KIF13A: variants seen among roughly 807,000 people sequenced by gnomAD.
KIF13A encodes kinesin family member 13A, also known as kinesin-like protein KIF13A.
KIF13A carries 79 observed loss-of-function variants against 212.2 expected under a neutral mutation model. The observed-to-expected ratio is 0.37, with a 90% CI of 0.31 to 0.45. The LOEUF (loss-of-function observed/expected upper bound fraction) is 0.45. KIF13A is among the 20% of genes least tolerant of loss of function. The pLI, the probability that KIF13A is intolerant of heterozygous loss-of-function variation, is 1.00. For synonymous variants in KIF13A, 789 were observed against 808.6 expected (o/e 0.98, Z 0.41); for missense variants, 1,901 against 2,209.0 (o/e 0.86, Z 2.79).
intron 25 of KIF13A, among the ~76,000 whole-genome samples, chr6:17,790,838 G>A: frequency 6.6e-6 from 1 of 152,128 alleles, no homozygotes; most frequent in East Asian, 1.9e-4. Context: ...ATAAGGATTG[G>A]TCAGTACTCT....
At chr6:17,822,434 C>G (rs555369981) in intron 16 of KIF13A, among the ~76,000 whole-genome samples, 11 of 152,308 alleles carry the variant, frequency 7.2e-5, no homozygotes, top group African/African-American at 2.6e-4. Flanking sequence ...CACTGTGCAC[C>G]AGGCCACTGA....
At position 17,783,556 on chromosome 6, in the gene KIF13A, G is replaced by C; in HGVS notation, c.3544+90C>G. On this transcript the variant is annotated intron_variant, in intron 29 of 38. Transcript: ENST00000259711. The surrounding 1 kb of genome is among the most constrained non-coding windows in gnomAD (Gnocchi z 4.3). ...ATTTGGCACATGAATGATTAGAAGA[G>C]TGATTTAAGGATCAAAATAATGTGA... 1 of 889,236 alleles carries C rather than the reference G, an allele frequency of 1.1e-6. No individual in the cohort carries two copies. Among genetic ancestry groups the C allele is most frequent in the East Asian group, 2.6e-5 (1 of 37,758 alleles). The allele number at this position is 889,236 out of a possible 1,614,324, so 55.1% of individuals were successfully genotyped here. A position where few individuals can be genotyped will look rare whatever the true frequency, so the allele number is the denominator to read the frequency against.
At chr6:17,831,440 C>T (rs993481988) in intron 12 of KIF13A, among the ~76,000 whole-genome samples, 2 of 151,686 alleles carry the variant, frequency 1.3e-5, no homozygotes, top group African/African-American at 4.9e-5. Flanking sequence ...GAACCAGACA[C>T]CATTTTGGCT....
chr6:17,763,198 A>G (rs1758664659), downstream of KIF13A, among the ~76,000 whole-genome samples: 1 of 152,204 alleles, frequency 6.6e-6, no homozygotes, highest in African/African-American at 2.4e-5. Context: ...AAATTAACCA[A>G]TATTAGTCAG....
Position 17,951,847 on chromosome 6 carries a change from A to T in KIF13A, c.146+35207T>A, listed in dbSNP as rs543290947. Among the ~76,000 whole-genome samples, 142 of 152,354 alleles carry T rather than the reference A, an allele frequency of 9.3e-4. 2 individuals are homozygous for T. Among genetic ancestry groups the T allele is most frequent in the African/African-American group, 3.2e-3 (135 of 41,582 alleles). On this transcript the variant is annotated intron_variant, in intron 2 of 38. Transcript: ENST00000259711. This position sits in a 1 kb window ranked among gnomAD's most constrained non-coding sequence, Gnocchi z 4.9. ...TGTATGAATATATCACATATTCTTC[A>T]TCAGTTGATGGACATTTGGTGACTC... is the stretch of plus-strand genomic sequence containing the variant.
At chr6:17,945,961 T>C (rs937770990) in intron 2 of KIF13A, among the ~76,000 whole-genome samples, 6 of 152,192 alleles carry the variant, frequency 3.9e-5, no homozygotes, top group African/African-American at 1.2e-4. Context: ...GATAATAGGT[T>C]ATCTTGATGG....
intron 2 of KIF13A, among the ~76,000 whole-genome samples, chr6:17,981,216 T>C (rs968259409): frequency 6.6e-6 from 1 of 152,000 alleles, no homozygotes; most frequent in Admixed American, 6.6e-5. Flanking sequence ...TAGCCATTAT[T>C]TTTTTAATGA....
chr6:17,954,592 T>A (rs1166023150), intron 2 of KIF13A, among the ~76,000 whole-genome samples: 2 of 152,222 alleles, frequency 1.3e-5, no homozygotes, highest in Non-Finnish European at 2.9e-5. Context: ...CTTTTCAATA[T>A]TATATCTTCC....
At chr6:17,970,649 C>T (rs529593178) in intron 2 of KIF13A, among the ~76,000 whole-genome samples, 2 of 152,274 alleles carry the variant, frequency 1.3e-5, no homozygotes, top group East Asian at 1.9e-4. Context: ...TAAATATCTG[C>T]GTCCTGGATA....
Position 17,825,166 on chromosome 6 carries a change from G to A in KIF13A, c.1786+602C>T, listed in dbSNP as rs182489897. On this transcript the variant is annotated intron_variant, in intron 16 of 38. Coordinates refer to ENST00000259711, the MANE Select transcript of KIF13A (RefSeq NM_022113.6). This position sits in a 1 kb window ranked among gnomAD's most constrained non-coding sequence, Gnocchi z 4.5. ...TGTCTATTTTATTTAATGCAGGCAG[G>A]TGTGTATAGGCACAGAATAAGAAAG... Among the ~76,000 whole-genome samples, 93 of 152,316 alleles carry A rather than the reference G, an allele frequency of 6.1e-4. No individual in the cohort carries two copies. Among genetic ancestry groups the A allele is most frequent in the African/African-American group, 2.1e-3 (87 of 41,574 alleles).
In KIF13A at chr6:17,843,999, C is replaced by T. The variant is rs1389323780; in HGVS notation, c.830+5378G>A. ...GATGGAGGTCGCAGTGAGCCGAGAT[C>T]GTGCCACTGTACTCCAGCCTGGGTG... is the stretch of plus-strand genomic sequence containing the variant. On this transcript the variant is annotated intron_variant, in intron 9 of 38. Transcript: ENST00000259711. This position sits in a 1 kb window ranked among gnomAD's most constrained non-coding sequence, Gnocchi z 5.3. Among the ~76,000 whole-genome samples, 5 of 148,820 alleles carry T rather than the reference C, an allele frequency of 3.4e-5. No individual in the cohort carries two copies. Among genetic ancestry groups the T allele is most frequent in the African/African-American group, 7.5e-5 (3 of 40,164 alleles).
chr6:17,848,333 A>G (rs585918), intron 9 of KIF13A, among the ~76,000 whole-genome samples: 122,070 of 151,924 alleles, frequency 0.8, 49,323 homozygotes, highest in African/African-American at 0.86. Context: ...ACAGTGCTAC[A>G]GAAAACTAGA....
intron 2 of KIF13A, among the ~76,000 whole-genome samples, chr6:17,960,999 G>A (rs951080448): frequency 6.6e-6 from 1 of 152,098 alleles, no homozygotes; most frequent in African/African-American, 2.4e-5. Flanking sequence ...GCATCTTTCA[G>A]TTCAAAAAAG....
chr6:17,844,432 C>G (rs1766826986), intron 9 of KIF13A, among the ~76,000 whole-genome samples: 1 of 152,112 alleles, frequency 6.6e-6, no homozygotes, highest in Non-Finnish European at 1.5e-5. Context: ...ATATGTTGAA[C>G]CTAGAATTCT....
intron 20 of KIF13A, among the ~76,000 whole-genome samples, chr6:17,800,763 G>C (rs1240759959): frequency 6.6e-6 from 1 of 151,970 alleles, no homozygotes; most frequent in Non-Finnish European, 1.5e-5. Context: ...ACCATGCCTA[G>C]CTAATTTTTG....
chr6:17,800,048 C>G lies in KIF13A; in HGVS notation c.2520G>C (p.Glu840Asp). 6.2e-7 allele frequency: 1 copy of G among 1,614,044 alleles called. No individual in the cohort carries two copies. The highest frequency in any genetic ancestry group is 8.5e-7 in the Non-Finnish European group (1 of 1,179,902). ...VTGAVPERVV[E>D]DDSSENSSES... Reference sequence around the variant, plus strand: ...CACTGGAATTCTCCGAAGAGTCATCCTCCACCACACGCTCTGGAACAGCTC... The same window carrying G: ...CACTGGAATTCTCCGAAGAGTCATCGTCCACCACACGCTCTGGAACAGCTC... The change falls in exon 21 of 39, where the codon GAG becomes GAC. Residue 840 changes from glutamate to aspartate, a missense_variant. By Grantham distance (45) the Glu-to-Asp change is conservative. Coordinates refer to ENST00000259711, the MANE Select transcript of KIF13A (RefSeq NM_022113.6).
At chr6:17,821,218 T>C (rs949312672) in intron 16 of KIF13A, among the ~76,000 whole-genome samples, 1 of 152,186 alleles carries the variant, frequency 6.6e-6, no homozygotes, top group African/African-American at 2.4e-5. Flanking sequence ...ATTCTTATTT[T>C]GTCTGATTCC....
At position 17,805,677 on chromosome 6, in the gene KIF13A, A is replaced by G. The variant is rs1762877684; in HGVS notation, c.2164-62T>C. ...AACTCCTTTTTCGATTGCTAAAGCAATATATATACAACAGTAACACAGTAA... is the reference window on the plus strand; with the variant it reads ...AACTCCTTTTTCGATTGCTAAAGCAGTATATATACAACAGTAACACAGTAA... On this transcript the variant is annotated intron_variant, in intron 18 of 38. Coordinates refer to ENST00000259711, the MANE Select transcript of KIF13A (RefSeq NM_022113.6). 4 of 1,447,242 alleles carry G rather than the reference A, an allele frequency of 2.8e-6. No individual in the cohort carries two copies. In the Admixed American group the frequency reaches 8.5e-5, roughly 31 times the overall value. The allele number at this position is 1,447,242 out of a possible 1,614,324, so 89.7% of individuals were successfully genotyped here.
At chr6:17,805,399 G>C (rs1762857863) in intron 19 of KIF13A, 76 bp downstream of exon 19, 7 of 693,568 alleles carry the variant, frequency 1.0e-5, no homozygotes, top group Non-Finnish European at 1.7e-5. Flanking sequence ...GTGTGTGTGT[G>C]TGTGTGTGTT....
Sources: allele counts gnomAD v4.1 joint callset (sites outside exome capture counted in the v4.1 genomes callset), GRCh38; gene constraint gnomAD v4.1.1; non-coding constraint Gnocchi (gnomAD v3.1); transcripts MANE v1.5; gene names NCBI Gene and HGNC (gene_info 2026-07-23, HGNC 2026-07-21).